Variants in DUSP19 observed in about 807,000 individuals in gnomAD.
The protein encoded by DUSP19 is dual specificity phosphatase 19.
In DUSP19, 14 loss-of-function variants were observed where a neutral mutation model predicts 16.6. The ratio of observed to expected loss-of-function variants is 0.84; its 90% CI spans 0.56 to 1.32. The LOEUF (loss-of-function observed/expected upper bound fraction) is 1.32. Ranked by LOEUF, DUSP19 falls within the 40% of genes most tolerant of loss-of-function variation. DUSP19 has a pLI of 0.00. For missense variants in DUSP19, 258 were observed against 255.9 expected (o/e 1.01, Z -0.06); for synonymous variants, 81 against 90.5 (o/e 0.90, Z 0.59).
At chr2:183,082,588 T>A (rs1482672381) in intron 1 of DUSP19, among the ~76,000 whole-genome samples, 1 of 151,894 alleles carries the variant, frequency 6.6e-6, no homozygotes, top group Non-Finnish European at 1.5e-5. Context: ...CATGCCCAGC[T>A]AATTTTTGTA....
At chr2:183,086,256 A>G (rs1699660496) in intron 2 of DUSP19, among the ~76,000 whole-genome samples, 1 of 152,158 alleles carries the variant, frequency 6.6e-6, no homozygotes, top group Non-Finnish European at 1.5e-5. Flanking sequence ...TAAAGTAAAG[A>G]ATATGAAGGA....
Position 183,088,406 on chromosome 2 carries a change from T to TG in DUSP19, c.426+1214_426+1215insG, listed in dbSNP as rs1453171163. On this transcript the variant is annotated intron_variant, in intron 3 of 3. Transcript: ENST00000354221. ...GTTTTTTGTTTTTTGTGTTTTTTTT[T>TG]TTTGTTTTTTTTTTTTTTGAGATGC... Among the ~76,000 whole-genome samples, 332 of 148,216 alleles carry TG rather than the reference T, an allele frequency of 2.2e-3. 2 individuals are homozygous for TG. The highest frequency in any genetic ancestry group is 8.2e-3 in the African/African-American group (322 of 39,502).
intron 2 of DUSP19, among the ~76,000 whole-genome samples, chr2:183,086,096 T>G (rs911763391): frequency 1.3e-5 from 2 of 151,910 alleles, no homozygotes; most frequent in Non-Finnish European, 2.9e-5. Context: ...GTGTACCATC[T>G]GAAAGAAAAT....
chr2:183,093,836 C>G (rs1699764288), intron 3 of DUSP19, among the ~76,000 whole-genome samples: 2 of 152,074 alleles, frequency 1.3e-5, no homozygotes, highest in South Asian at 2.1e-4. Flanking sequence ...AAGGGTATCT[C>G]TTGCTTATTA....
Position 183,098,871 on chromosome 2 carries a change from A to T in DUSP19, c.*3213A>T, listed in dbSNP as rs1449533768. 6.6e-6 allele frequency: 1 copy of T among 152,176 alleles called. No homozygotes were observed. Among genetic ancestry groups the T allele is most frequent in the East Asian group, 1.9e-4 (1 of 5,202 alleles). The allele number at this position is 152,176 out of a possible 1,614,324, so 9.4% of individuals were successfully genotyped here. A position where few individuals can be genotyped will look rare whatever the true frequency, so the allele number is the denominator to read the frequency against. On this transcript the variant is annotated 3_prime_UTR_variant, in exon 4 of 4. Transcript: ENST00000354221. ...TCAAGAAGTATGTAGATTTTTGAAA[A>T]ACCCAAACAATATTCTTCTTAGATT... is the stretch of plus-strand genomic sequence containing the variant.
chr2:183,089,290 C>T (rs1430567959), intron 3 of DUSP19, among the ~76,000 whole-genome samples: 2 of 152,172 alleles, frequency 1.3e-5, no homozygotes, highest in South Asian at 2.1e-4. Flanking sequence ...GGTACAGCTA[C>T]TCTACCACCC....
chr2:183,096,250 T>A lies in DUSP19; in HGVS notation c.*592T>A, dbSNP rs1189139821. ...TTTTGTCTTCTTCTTTTTTTTTCTT[T>A]TTTTAGATGGAGTTTGGCTCTTGTC... is the stretch of plus-strand genomic sequence containing the variant. On this transcript the variant is annotated 3_prime_UTR_variant, in exon 4 of 4. Coordinates refer to ENST00000354221, the MANE Select transcript of DUSP19 (RefSeq NM_080876.4). 6.6e-6 allele frequency: 1 copy of A among 151,840 alleles called. No homozygotes were observed. The highest frequency in any genetic ancestry group is 6.6e-5 in the Admixed American group (1 of 15,238). 9.4% of individuals were successfully genotyped at this position (151,840 alleles called of 1,614,324 possible). A position where few individuals can be genotyped will look rare whatever the true frequency, so the allele number is the denominator to read the frequency against.
intron 1 of DUSP19, among the ~76,000 whole-genome samples, chr2:183,082,419 C>CTTTTTTTTTTTTTTT (rs71008260): frequency 1.2e-5 from 1 of 84,828 alleles, no homozygotes; most frequent in Non-Finnish European, 2.2e-5. Context: ...GAACATTTTT[C>CTTTTTTTTTTTTTTT]TTTTTTTTTT....
intron 2 of DUSP19, among the ~76,000 whole-genome samples, chr2:183,083,759 T>C (rs1699624793): frequency 6.6e-6 from 1 of 152,236 alleles, no homozygotes; most frequent in South Asian, 2.1e-4. Flanking sequence ...TACATTCTTC[T>C]TGATCTCCTT....
At chr2:183,083,590 A>G (rs1235765176) in intron 2 of DUSP19, 36 bp downstream of exon 2, 1 of 1,552,886 alleles carries the variant, frequency 6.4e-7, no homozygotes, top group Non-Finnish European at 8.8e-7. Context: ...CCATATACAC[A>G]GAATATTTTA....
At chr2:183,092,212 T>C (rs1166871714) in intron 3 of DUSP19, among the ~76,000 whole-genome samples, 1 of 152,230 alleles carries the variant, frequency 6.6e-6, no homozygotes, top group African/African-American at 2.4e-5. Context: ...TGTCAAGCAC[T>C]TGCAGACTAT....
At chr2:183,095,150 T>G (rs1310888943) in intron 3 of DUSP19, among the ~76,000 whole-genome samples, 2 of 152,196 alleles carry the variant, frequency 1.3e-5, no homozygotes, top group South Asian at 2.1e-4. Context: ...CTGGATTACT[T>G]TAGTTTAATG....
intron 3 of DUSP19, among the ~76,000 whole-genome samples, chr2:183,091,676 A>C (rs1478545123): frequency 6.6e-6 from 1 of 152,246 alleles, no homozygotes; most frequent in Non-Finnish European, 1.5e-5. Flanking sequence ...ACTTCTATGC[A>C]AACGAAGACT....
chr2:183,093,298 A>T (rs971508069), intron 3 of DUSP19, among the ~76,000 whole-genome samples: 5 of 152,230 alleles, frequency 3.3e-5, no homozygotes, highest in Non-Finnish European at 7.3e-5. Flanking sequence ...GAACAAATGT[A>T]TTCACTTAGC....
At chr2:183,090,608 A>G (rs1157418780) in intron 3 of DUSP19, among the ~76,000 whole-genome samples, 1 of 152,258 alleles carries the variant, frequency 6.6e-6, no homozygotes, top group African/African-American at 2.4e-5. Context: ...ACACTTAGAT[A>G]TAAGCATTGT....
intron 3 of DUSP19, among the ~76,000 whole-genome samples, chr2:183,092,156 A>C (rs1179861472): frequency 1.3e-5 from 2 of 152,170 alleles, no homozygotes; most frequent in East Asian, 1.9e-4. Flanking sequence ...TTTAGTGACA[A>C]TTGATTTTCA....
rs1699552491 is a variant in DUSP19, at chr2:183,078,825, A to G, written c.-109A>G. ...GCTGCTGCGGTTACCTGGATGGGCG[A>G]GCACCTCTGAGGCTGGCTTTGTTAC... On this transcript the variant is annotated 5_prime_UTR_variant, in exon 1 of 4. Transcript: ENST00000354221. The G allele has an allele frequency of 2.1e-6, 2 of 931,636 alleles. No homozygotes were observed. The highest frequency in any genetic ancestry group is 3.2e-6 in the Non-Finnish European group (2 of 618,356). 57.7% of individuals were successfully genotyped at this position (931,636 alleles called of 1,614,324 possible).
In DUSP19 at chr2:183,079,020, G is replaced by A. The variant is rs768611935; in HGVS notation, c.87G>A (p.Lys29=). 1.3e-5 allele frequency: 21 copies of A among 1,614,038 alleles called. No individual in the cohort carries two copies. In the South Asian group the frequency reaches 1.6e-4, roughly 13 times the overall value. ...CCAGGGTGACAACGCTAACTGGAAA[G>A]AAAATTATAGAAACATGGAAAGATG... ...QCTRVTTLTG[K]KIIETWKDAR... The change falls in exon 1 of 4, where the codon AAG becomes AAA. Residue 29 remains lysine (K), a synonymous_variant. Transcript: ENST00000354221.
chr2:183,080,784 G>T (rs907068719), intron 1 of DUSP19, among the ~76,000 whole-genome samples: 2 of 152,120 alleles, frequency 1.3e-5, no homozygotes, highest in Admixed American at 6.5e-5. Context: ...CCCTAATAAG[G>T]TCTTCTCTGG....
Sources: allele counts gnomAD v4.1 joint callset (sites outside exome capture counted in the v4.1 genomes callset), GRCh38; gene constraint gnomAD v4.1.1; transcripts MANE v1.5; gene names NCBI Gene and HGNC (gene_info 2026-07-23, HGNC 2026-07-21).